The following FNDC3A variants were observed in gnomAD, a reference collection of about 807,000 sequenced individuals.
FNDC3A encodes fibronectin type-III domain-containing protein 3A.
A neutral mutation model predicts 148.9 loss-of-function variants in FNDC3A; 32 were observed. The ratio of observed to expected loss-of-function variants is 0.21; its 90% confidence interval spans 0.16 to 0.29. The LOEUF (loss-of-function observed/expected upper bound fraction) is 0.29, where lower values mean the gene tolerates loss of function less well. Among genes scored for constraint, FNDC3A ranks in the 10% least tolerant of loss-of-function variants. The pLI is 1.00. For missense variants in FNDC3A, 1,191 were observed against 1,452.8 expected (o/e 0.82, Z 2.93); for synonymous variants, 472 against 473.6 (o/e 1.00, Z 0.04).
chr13:49,007,035 G>A (rs949047132), intron 2 of FNDC3A, among the ~76,000 whole-genome samples: 1 of 152,000 alleles, frequency 6.6e-6, no homozygotes, highest in Admixed American at 6.6e-5. Flanking sequence ...CTATGAGGTA[G>A]GTACACCTGC....
intron 4 of FNDC3A, among the ~76,000 whole-genome samples, chr13:49,126,299 C>T (rs1881695611): frequency 2.0e-5 from 3 of 151,822 alleles, no homozygotes; most frequent in African/African-American, 7.3e-5. Flanking sequence ...GTAAAACACA[C>T]ATAACATAAA....
intron 1 of FNDC3A, among the ~76,000 whole-genome samples, chr13:48,989,854 C>T (rs571573924): frequency 8.6e-5 from 13 of 151,836 alleles, no homozygotes; most frequent in African/African-American, 2.7e-4. Flanking sequence ...CAGGTTCAAG[C>T]GATTCTCCTG....
intron 1 of FNDC3A, chr13:48,988,050 A>C (rs1006563685): frequency 5.3e-5 from 8 of 152,228 alleles, no homozygotes; most frequent in Non-Finnish European, 8.8e-5. Flanking sequence ...AAAAAAAGAC[A>C]AAGAAGGGCA....
chr13:49,196,080 C>CAAAAAAAAA (rs71076070), intron 19 of FNDC3A, among the ~76,000 whole-genome samples: 1 of 71,556 alleles, frequency 1.4e-5, no homozygotes. Context: ...GACCTTGTCT[C>CAAAAAAAAA]AAAAAAAAAA....
intron 2 of FNDC3A, among the ~76,000 whole-genome samples, chr13:49,030,186 C>A (rs1874005843): frequency 6.6e-6 from 1 of 152,158 alleles, no homozygotes; most frequent in South Asian, 2.1e-4. Flanking sequence ...TATTTTACTT[C>A]ATTATGTACA....
At position 49,031,251 on chromosome 13, in the gene FNDC3A, G is replaced by T. The variant is rs573995638; in HGVS notation, c.99+24962G>T. The stretch of plus-strand genomic sequence containing the variant: ...AAAATACAAAAATTAGCATGGTGGT[G>T]TGCACCTGTAATTCCAGCTACTCGG... On this transcript the variant is annotated intron_variant, in intron 2 of 25. Transcript: ENST00000492622. Among the ~76,000 whole-genome samples, 3 of 152,120 alleles carry T rather than the reference G, an allele frequency of 2.0e-5. No individual in the cohort carries two copies. The South Asian group carries it at 6.2e-4, about 32-fold the overall frequency.
At chr13:49,172,812 G>A (rs1015873121) in intron 11 of FNDC3A, among the ~76,000 whole-genome samples, 3 of 152,136 alleles carry the variant, frequency 2.0e-5, no homozygotes, top group Non-Finnish European at 4.4e-5. Context: ...GGATATTCAT[G>A]GTGGCCATGA....
chr13:49,059,154 G>A (rs138965269), intron 2 of FNDC3A, among the ~76,000 whole-genome samples: 1 of 152,132 alleles, frequency 6.6e-6, no homozygotes, highest in Non-Finnish European at 1.5e-5. Context: ...AGGACAACTG[G>A]ATATCCGCAT....
intron 7 of FNDC3A, among the ~76,000 whole-genome samples, chr13:49,145,122 C>A (rs939135674): frequency 1.3e-5 from 2 of 151,986 alleles, no homozygotes; most frequent in African/African-American, 4.8e-5. Flanking sequence ...AAAAAAAATT[C>A]CTGGATGTAG....
chr13:49,110,246 A>C, intron 3 of FNDC3A: 1 of 1,040,620 alleles, frequency 9.6e-7, no homozygotes, highest in Non-Finnish European at 1.3e-6. Flanking sequence ...ACTGCAGGTC[A>C]CGTGATGACT....
rs114445778 is a variant in FNDC3A at position 49,167,534 on chromosome 13, A to G, written c.1037+231A>G. On this transcript the variant is annotated intron_variant, in intron 9 of 25. Transcript: ENST00000492622. ...AGTCTGAGTGACATAGTGAGACCCT[A>G]TCTCGACAAAGAAATCCAAAAAGTA... Among the ~76,000 whole-genome samples the G allele has an allele frequency of 4.2e-3, 636 of 152,232 alleles. 6 individuals carry two copies. The highest frequency in any genetic ancestry group is 0.015 in the African/African-American group (608 of 41,558).
At chr13:49,002,544 G>C (rs1952144885) in intron 1 of FNDC3A, among the ~76,000 whole-genome samples, 1 of 152,024 alleles carries the variant, frequency 6.6e-6, no homozygotes, top group Admixed American at 6.6e-5. Context: ...AGCCCCCCAG[G>C]TCAAGACATA....
At chr13:48,980,423 A>G (rs1951674439) in intron 1 of FNDC3A, among the ~76,000 whole-genome samples, 3 of 152,194 alleles carry the variant, frequency 2.0e-5, no homozygotes, top group Admixed American at 2.0e-4. Context: ...GACATTCTGC[A>G]GTACTCCAGA....
At chr13:49,036,732 G>A (rs1307277516) in intron 2 of FNDC3A, among the ~76,000 whole-genome samples, 1 of 152,188 alleles carries the variant, frequency 6.6e-6, no homozygotes, top group Admixed American at 6.5e-5. Context: ...TGTACAGAGT[G>A]CTTTGAACCT....
intron 2 of FNDC3A, 73 bp downstream of exon 2, chr13:49,006,362 A>C (rs879104528): frequency 4.3e-6 from 3 of 696,162 alleles, no homozygotes; most frequent in South Asian, 4.1e-5. Flanking sequence ...AACAGATCAC[A>C]ATAGTGAGTT....
chr13:49,056,922 G>C (rs937198546), intron 2 of FNDC3A, among the ~76,000 whole-genome samples: 3 of 152,132 alleles, frequency 2.0e-5, no homozygotes, highest in African/African-American at 7.2e-5. Flanking sequence ...AAAACCTACA[G>C]TTTGTTTTGT....
chr13:49,175,779 G>A (rs1884998273), intron 13 of FNDC3A, among the ~76,000 whole-genome samples: 1 of 152,202 alleles, frequency 6.6e-6, no homozygotes. Context: ...TCTTGTGCCA[G>A]TTTTCAAAGA....
intron 2 of FNDC3A, among the ~76,000 whole-genome samples, chr13:49,061,220 C>G (rs1306228358): frequency 6.6e-6 from 1 of 151,794 alleles, no homozygotes; most frequent in African/African-American, 2.4e-5. Context: ...AGTAATCCCA[C>G]TCTCCCAGCC....
At chr13:49,189,930 A>G (rs1186371647) in intron 17 of FNDC3A, among the ~76,000 whole-genome samples, 3 of 152,174 alleles carry the variant, frequency 2.0e-5, no homozygotes, top group Non-Finnish European at 4.4e-5. Context: ...TCTGTTGCCC[A>G]GGCTGGAGTG....
Sources: gnomAD v4.1 joint callset for allele counts (sites outside exome capture counted in the v4.1 genomes callset) on GRCh38, gnomAD v4.1.1 for gene constraint, MANE v1.5 for transcripts, NCBI Gene and HGNC (gene_info 2026-07-23, HGNC 2026-07-21) for gene names.